WWOX: variants seen among roughly 807,000 people sequenced by gnomAD.
WWOX encodes the protein WW domain-containing oxidoreductase.
In WWOX, 69 loss-of-function variants were observed where a neutral mutation model predicts 46.2. That is an observed-to-expected ratio of 1.49 (90% CI 1.23 to 1.82). WWOX has a LOEUF of 1.82. Among genes scored for constraint, WWOX ranks in the 40% most tolerant of loss-of-function variants. The probability of loss-of-function intolerance (pLI) is 0.00; values close to 1 mark genes in which losing one functional copy is unlikely to be tolerated. For missense variants in WWOX, 919 were observed against 542.6 expected (o/e 1.69, Z -6.89); for synonymous variants, 359 against 202.6 (o/e 1.77, Z -6.56).
chr16:78,369,055 C>CT (rs1303694217), intron 5 of WWOX, among the ~76,000 whole-genome samples: 5 of 150,374 alleles, frequency 3.3e-5, no homozygotes, highest in African/African-American at 1.2e-4. Context: ...TATCCTTTTT[C>CT]TTTCCCTTTT....
At chr16:78,699,374 CAAAA>C (rs57002311) in intron 8 of WWOX, among the ~76,000 whole-genome samples, 2 of 127,228 alleles carry the variant, frequency 1.6e-5, no homozygotes, top group Non-Finnish European at 3.5e-5. Flanking sequence ...ACAAAAAATA[CAAAA>C]AAAAAAAAAA....
At chr16:78,588,504 A>C (rs971969834) in intron 8 of WWOX, among the ~76,000 whole-genome samples, 1 of 152,144 alleles carries the variant, frequency 6.6e-6, no homozygotes, top group African/African-American at 2.4e-5. Context: ...TGGCCTCACA[A>C]GTTTCTTGTA....
chr16:78,435,059 T>C (rs1176847651), intron 8 of WWOX, among the ~76,000 whole-genome samples: 1 of 152,290 alleles, frequency 6.6e-6, no homozygotes, highest in Middle Eastern at 3.4e-3. Flanking sequence ...CTCTAAAAAA[T>C]ACCAGCAAAT....
At chr16:78,597,436 T>G (rs1193782279) in intron 8 of WWOX, among the ~76,000 whole-genome samples, 1 of 152,200 alleles carries the variant, frequency 6.6e-6, no homozygotes, top group Non-Finnish European at 1.5e-5. Flanking sequence ...AGTGGGCGTT[T>G]TATGTTGCAC....
chr16:78,286,048 C>A (rs990664585), intron 5 of WWOX, among the ~76,000 whole-genome samples: 1 of 152,150 alleles, frequency 6.6e-6, no homozygotes, highest in Non-Finnish European at 1.5e-5. Context: ...GCGAGATCGA[C>A]GTGTGTTCAT....
intron 4 of WWOX, among the ~76,000 whole-genome samples, chr16:78,146,815 G>A (rs1396946704): frequency 2.0e-5 from 3 of 152,116 alleles, no homozygotes; most frequent in African/African-American, 4.8e-5. Flanking sequence ...GCAATGATTC[G>A]GTGTGTTTTG....
intron 8 of WWOX, among the ~76,000 whole-genome samples, chr16:79,061,892 A>G (rs1283428634): frequency 1.3e-5 from 2 of 152,234 alleles, no homozygotes; most frequent in East Asian, 3.8e-4. Context: ...TTCCCATTAC[A>G]TACATGGAAT....
chr16:78,793,603 G>A (rs539170552), intron 8 of WWOX, among the ~76,000 whole-genome samples: 1 of 152,188 alleles, frequency 6.6e-6, no homozygotes, highest in Admixed American at 6.5e-5. Flanking sequence ...AACCTTTATT[G>A]TTTAAATATT....
In WWOX at chr16:78,632,024, A is replaced by T. The variant is rs1034696901; in HGVS notation, c.1056+199272A>T. On this transcript the variant is annotated intron_variant, in intron 8 of 8. Transcript: ENST00000566780. ...TGACAACCTGATTTCAGACCTCCCAATTTTTTCTTAAAAAAAATAAAAGTC... is the reference window on the plus strand; with the variant it reads ...TGACAACCTGATTTCAGACCTCCCATTTTTTTCTTAAAAAAAATAAAAGTC... Among the ~76,000 whole-genome samples the T allele has an allele frequency of 5.3e-4, 80 of 151,570 alleles. 1 individual carries two copies. Among genetic ancestry groups the T allele is most frequent in the African/African-American group, 1.9e-3 (77 of 41,140 alleles).
At chr16:78,462,645 G>T (rs929373023) in intron 8 of WWOX, among the ~76,000 whole-genome samples, 1 of 152,216 alleles carries the variant, frequency 6.6e-6, no homozygotes, top group Non-Finnish European at 1.5e-5. Context: ...GGCAGGAGCA[G>T]ATGAACTGCC....
intron 8 of WWOX, among the ~76,000 whole-genome samples, chr16:78,758,251 G>T (rs2142478641): frequency 6.6e-6 from 1 of 152,220 alleles, no homozygotes; most frequent in South Asian, 2.1e-4. Context: ...ATTCCATGTA[G>T]CTATTATTAC....
At chr16:78,705,669 T>C (rs1348130552) in intron 8 of WWOX, among the ~76,000 whole-genome samples, 2 of 152,164 alleles carry the variant, frequency 1.3e-5, no homozygotes, top group Admixed American at 6.5e-5. Flanking sequence ...TGTAAAACTG[T>C]TTATTTAGTT....
chr16:78,441,051 T>TC (rs2083434042), intron 8 of WWOX, among the ~76,000 whole-genome samples: 4 of 152,332 alleles, frequency 2.6e-5, no homozygotes, highest in Admixed American at 2.6e-4. Context: ...CAAGCGATTC[T>TC]CCTGTGTCAG....
chr16:78,345,096 A>G lies in WWOX; in HGVS notation c.517-41764A>G, dbSNP rs1264354117. On this transcript the variant is annotated intron_variant, in intron 5 of 8. Coordinates refer to ENST00000566780, the MANE Select transcript of WWOX (RefSeq NM_016373.4). ...AGATTGTCCTGGATGTCGTTTTCTC[A>G]TAAAGTTGACTATGGCTATTGGTGG... Among the ~76,000 whole-genome samples, 8 of 118,960 alleles carry G rather than the reference A, an allele frequency of 6.7e-5. 3 individuals carry two copies. The highest frequency in any genetic ancestry group is 5.8e-4 in the Admixed American group (7 of 12,046). 78.0% of individuals were successfully genotyped at this position (118,960 alleles called of 152,430 possible).
At chr16:79,199,854 A>G (rs1046947180) in intron 8 of WWOX, among the ~76,000 whole-genome samples, 1 of 152,138 alleles carries the variant, frequency 6.6e-6, no homozygotes, top group African/African-American at 2.4e-5. Context: ...TTTGCCAGGC[A>G]TTTCTAAGAG....
chr16:78,501,361 C>T (rs2085063554), intron 8 of WWOX, among the ~76,000 whole-genome samples: 1 of 151,718 alleles, frequency 6.6e-6, no homozygotes, highest in African/African-American at 2.4e-5. Flanking sequence ...CTTAAGATGA[C>T]CTCCTCTAGC....
At chr16:78,576,345 A>G (rs1394629388) in intron 8 of WWOX, among the ~76,000 whole-genome samples, 1 of 152,214 alleles carries the variant, frequency 6.6e-6, no homozygotes, top group Non-Finnish European at 1.5e-5. Context: ...ATACTTCATA[A>G]TTGAAGTTCA....
intron 8 of WWOX, among the ~76,000 whole-genome samples, chr16:78,795,187 T>C (rs1240395183): frequency 3.9e-5 from 6 of 152,314 alleles, no homozygotes; most frequent in Admixed American, 6.5e-5. Context: ...GTGCCAGATA[T>C]TGTGCTAAGT....
At chr16:78,582,882 A>G (rs1404735366) in intron 8 of WWOX, among the ~76,000 whole-genome samples, 3 of 152,158 alleles carry the variant, frequency 2.0e-5, no homozygotes. Flanking sequence ...GGAACCTCCT[A>G]TGGGAACCAG....
Sources: allele counts gnomAD v4.1 joint callset (sites outside exome capture counted in the v4.1 genomes callset), GRCh38; gene constraint gnomAD v4.1.1; transcripts MANE v1.5; gene names NCBI Gene and HGNC (gene_info 2026-07-23, HGNC 2026-07-21).